LHFPL6: variants seen among roughly 807,000 people sequenced by gnomAD.
LHFPL6 encodes the protein LHFPL tetraspan subfamily member 6.
Under a neutral mutation model 20.6 loss-of-function variants are expected in LHFPL6, and 9 were observed. That is an observed-to-expected ratio of 0.44 (90% CI 0.26 to 0.76). The LOEUF is 0.76. Ranked by LOEUF, LHFPL6 falls within the 30% of genes least tolerant of loss-of-function variation. The pLI is 0.20. For missense variants in LHFPL6, 218 were observed against 253.5 expected (o/e 0.86, Z 0.95); for synonymous variants, 105 against 98.7 (o/e 1.06, Z -0.38).
chr13:39,404,946 C>G (rs934766654), intron 2 of LHFPL6, among the ~76,000 whole-genome samples: 2 of 152,206 alleles, frequency 1.3e-5, no homozygotes, highest in African/African-American at 4.8e-5. Context: ...CAAATTAAAA[C>G]TAGCCAACTA....
chr13:39,435,204 T>A (rs879626734), intron 2 of LHFPL6, among the ~76,000 whole-genome samples: 12 of 151,882 alleles, frequency 7.9e-5, no homozygotes, highest in Non-Finnish European at 1.6e-4. Context: ...AGTTTTTGGG[T>A]TTCAAGCCAA....
chr13:39,405,070 C>T (rs1458059766), intron 2 of LHFPL6, among the ~76,000 whole-genome samples: 2 of 152,150 alleles, frequency 1.3e-5, no homozygotes, highest in East Asian at 1.9e-4. Context: ...CATAAGAGAG[C>T]TGGATAATGC....
rs8001374 is a variant in LHFPL6 at position 39,368,588 on chromosome 13, A to G, written c.484+9840T>C. 1.4e-3 allele frequency among the ~76,000 whole-genome samples: 213 copies of G among 152,284 alleles called. 1 individual carries two copies. Among genetic ancestry groups the G allele is most frequent in the Middle Eastern group, 6.8e-3 (2 of 294 alleles). ...AGAGTGAGACTCCGTCTCAACAACA[A>G]CAATAACAACATCAAAAAAGACACA... On this transcript the variant is annotated intron_variant, in intron 3 of 3. Transcript: ENST00000379589.
intron 2 of LHFPL6, among the ~76,000 whole-genome samples, chr13:39,409,675 T>A (rs1871205344): frequency 6.6e-6 from 1 of 152,148 alleles, no homozygotes; most frequent in South Asian, 2.1e-4. Context: ...ACTTACTTCT[T>A]ATGTTTCCTA....
chr13:39,586,923 G>A (rs902074115), intron 2 of LHFPL6, among the ~76,000 whole-genome samples: 5 of 152,096 alleles, frequency 3.3e-5, no homozygotes, highest in Admixed American at 1.3e-4. Flanking sequence ...TTGGGAGGCC[G>A]AGGTGGGTAG....
intron 2 of LHFPL6, among the ~76,000 whole-genome samples, chr13:39,396,858 A>G (rs943614725): frequency 2.0e-5 from 3 of 152,094 alleles, no homozygotes; most frequent in African/African-American, 7.2e-5. Context: ...ATACACACAC[A>G]CAGAGGCAGA....
chr13:39,368,678 C>CT (rs1420603475), intron 3 of LHFPL6, among the ~76,000 whole-genome samples: 1 of 152,076 alleles, frequency 6.6e-6, no homozygotes, highest in African/African-American at 2.4e-5. Flanking sequence ...GATTTATGAT[C>CT]TTTAGAAAGG....
At chr13:39,375,985 G>A (rs1048910843) in intron 3 of LHFPL6, among the ~76,000 whole-genome samples, 2 of 152,056 alleles carry the variant, frequency 1.3e-5, no homozygotes, top group African/African-American at 4.8e-5. Context: ...TGGTTTTAGA[G>A]TGTATAATAA....
chr13:39,444,535 G>A (rs888178667), intron 2 of LHFPL6, among the ~76,000 whole-genome samples: 3 of 152,130 alleles, frequency 2.0e-5, no homozygotes, highest in Non-Finnish European at 2.9e-5. Context: ...CTCAACATTC[G>A]CTGCCCTACA....
intron 2 of LHFPL6, among the ~76,000 whole-genome samples, chr13:39,448,198 A>C (rs1213647106): frequency 2.6e-5 from 4 of 152,338 alleles, no homozygotes. Context: ...AATGTTCTCC[A>C]AGATGACTCA....
At chr13:39,553,187 A>G (rs1484188272) in intron 2 of LHFPL6, among the ~76,000 whole-genome samples, 3 of 152,222 alleles carry the variant, frequency 2.0e-5, no homozygotes, top group African/African-American at 7.2e-5. Flanking sequence ...ACAGAAATAC[A>G]ATTAATGGAA....
Position 39,537,164 on chromosome 13 carries a change from G to A in LHFPL6, c.385+63668C>T, listed in dbSNP as rs567818182. 2.0e-5 allele frequency among the ~76,000 whole-genome samples: 3 copies of A among 152,216 alleles called. No homozygotes were observed. In the South Asian group the frequency reaches 6.2e-4, roughly 32 times the overall value. ...TGCCTTTCACTCTAGCGCTCCTCTT[G>A]CAAAGGCCTTAAACACATTCCTGCC... On this transcript the variant is annotated intron_variant, in intron 2 of 3. Transcript: ENST00000379589.
chr13:39,501,610 G>C (rs1208259254), intron 2 of LHFPL6, among the ~76,000 whole-genome samples: 1 of 152,150 alleles, frequency 6.6e-6, no homozygotes, highest in African/African-American at 2.4e-5. Flanking sequence ...ACACTGTTGA[G>C]GATGGTTATT....
rs752177141 is a variant in LHFPL6, at chr13:39,571,730, C to T, written c.385+29102G>A. On this transcript the variant is annotated intron_variant, in intron 2 of 3. Coordinates refer to ENST00000379589, the MANE Select transcript of LHFPL6 (RefSeq NM_005780.3). ...GAGGCCAACTGAGCTGCTAACACAC[C>T]GCTGTCCGTGGACAGTGGAATTTAA... Among the ~76,000 whole-genome samples the T allele has an allele frequency of 2.3e-4, 35 of 152,240 alleles. No homozygotes were observed. The South Asian group carries it at 2.5e-3, about 11-fold the overall frequency.
At chr13:39,526,541 C>T (rs1870292376) in intron 2 of LHFPL6, among the ~76,000 whole-genome samples, 1 of 152,208 alleles carries the variant, frequency 6.6e-6, no homozygotes, top group Non-Finnish European at 1.5e-5. Context: ...AGATAATTCA[C>T]TGGACTTGCA....
At chr13:39,350,085 T>C (rs930132443) in intron 3 of LHFPL6, among the ~76,000 whole-genome samples, 1 of 152,204 alleles carries the variant, frequency 6.6e-6, no homozygotes, top group Admixed American at 6.5e-5. Context: ...TTATAGAAGC[T>C]GGAAACGCAG....
intron 2 of LHFPL6, among the ~76,000 whole-genome samples, chr13:39,397,294 C>A (rs1010912): frequency 6.6e-6 from 1 of 152,086 alleles, no homozygotes; most frequent in African/African-American, 2.4e-5. Context: ...TCACGGCTCA[C>A]ATGCCCTAGA....
At chr13:39,525,061 A>C (rs912190753) in intron 2 of LHFPL6, among the ~76,000 whole-genome samples, 3 of 152,196 alleles carry the variant, frequency 2.0e-5, no homozygotes, top group African/African-American at 4.8e-5. Flanking sequence ...GAAAAAGAAA[A>C]ATGTATTTGA....
At chr13:39,496,808 A>G (rs1566124978) in intron 2 of LHFPL6, among the ~76,000 whole-genome samples, 1 of 152,184 alleles carries the variant, frequency 6.6e-6, no homozygotes, top group African/African-American at 2.4e-5. Context: ...CAGGTGCCAG[A>G]GGCATTTCCA....
Sources: allele counts gnomAD v4.1 joint callset (sites outside exome capture counted in the v4.1 genomes callset), GRCh38; gene constraint gnomAD v4.1.1; transcripts MANE v1.5; gene names NCBI Gene and HGNC (gene_info 2026-07-23, HGNC 2026-07-21).